The following MMS22L variants were observed in gnomAD, a reference collection of about 807,000 sequenced individuals.
The protein encoded by MMS22L is MMS22 like, DNA repair protein, also known as protein MMS22-like.
In MMS22L, 74 loss-of-function variants were observed where a neutral mutation model predicts 159.1. That is an observed-to-expected ratio of 0.47 (90% CI 0.39 to 0.56). The LOEUF (loss-of-function observed/expected upper bound fraction) is 0.56, where lower values mean the gene tolerates loss of function less well. MMS22L is among the 20% of genes least tolerant of loss of function. The probability of loss-of-function intolerance (pLI) is 0.00; values close to 1 mark genes in which losing one functional copy is unlikely to be tolerated. For missense variants in MMS22L, 1,351 were observed against 1,422.1 expected (o/e 0.95, Z 0.80); for synonymous variants, 517 against 506.9 (o/e 1.02, Z -0.27).
intron 23 of MMS22L, among the ~76,000 whole-genome samples, chr6:97,151,222 A>G (rs1801285484): frequency 1.3e-5 from 2 of 152,216 alleles, no homozygotes; most frequent in African/African-American, 2.4e-5. Flanking sequence ...GTACAATGGT[A>G]GTTCAGTACA....
Position 97,179,468 on chromosome 6 carries a change from T to A in MMS22L, c.2476A>T (p.Ile826Phe). The change falls in exon 17 of 25, where the codon ATT becomes TTT. Residue 826 changes from isoleucine (I) to phenylalanine (F), a missense_variant. Transcript: ENST00000683635. Reference protein sequence around the residue: ...SWIRCVLQMYIKNLSGPDDLL... With the variant: ...SWIRCVLQMYFKNLSGPDDLL... ...TCATCAGGCCCAGAGAGGTTTTTAA[T>A]ATACATTTGCAAAACACAACGAATC... 1.2e-6 allele frequency: 2 copies of A among 1,613,812 alleles called. No homozygotes were observed. The highest frequency in any genetic ancestry group is 1.7e-6 in the Non-Finnish European group (2 of 1,179,834).
chr6:97,267,659 A>AT, intron 8 of MMS22L: 3 of 283,518 alleles, frequency 1.1e-5, no homozygotes, highest in Non-Finnish European at 1.2e-5. Flanking sequence ...AAAAAAAAAA[A>AT]GAAAAAAAGA....
intron 22 of MMS22L, among the ~76,000 whole-genome samples, chr6:97,154,252 G>A (rs1412450504): frequency 1.3e-5 from 2 of 151,924 alleles, no homozygotes; most frequent in Non-Finnish European, 2.9e-5. Flanking sequence ...CTTATTGGCC[G>A]TTTATTTTCT....
Position 97,269,981 on chromosome 6 carries a change from C to T in MMS22L, c.618G>A (p.Pro206=), listed in dbSNP as rs45568644. Reference sequence around the variant, plus strand: ...AGTGGAGATGTAATAAATGCCATGACGGTGGAAAAAGCTGTGGATGACATT... The same window carrying T: ...AGTGGAGATGTAATAAATGCCATGATGGTGGAAAAAGCTGTGGATGACATT... ...VNQNQIKLFP[P]SWHLLHLHLD... is the part of the protein sequence containing the mutation. Residue 206 remains proline (P), a synonymous_variant, in exon 7 of 25, where the codon CCG becomes CCA. Transcript: ENST00000683635. 85 of 1,610,918 alleles carry T rather than the reference C, an allele frequency of 5.3e-5. No individual in the cohort carries two copies. In the Middle Eastern group the frequency reaches 9.9e-4, roughly 19 times the overall value.
intron 19 of MMS22L, among the ~76,000 whole-genome samples, chr6:97,168,626 A>G (rs776728318): frequency 2.0e-5 from 3 of 152,104 alleles, no homozygotes; most frequent in Non-Finnish European, 4.4e-5. Context: ...AGGGGTGCTC[A>G]ACTGGTTAAG....
At chr6:97,268,112 T>C (rs1254562274) in intron 7 of MMS22L, 110 bp from the exon 8 acceptor site, 3 of 691,910 alleles carry the variant, frequency 4.3e-6, no homozygotes. Flanking sequence ...CAGTTTTTAA[T>C]TTTTTTTTGC....
In MMS22L at chr6:97,220,878, A is replaced by G. The variant is rs1809555904; in HGVS notation, c.2039+8016T>C. ...ACACACTAAAACAACAACAACAACA[A>G]CAAAACTTGCTCAATGGTCACTATG... On this transcript the variant is annotated intron_variant, in intron 14 of 24. Coordinates refer to ENST00000683635, the MANE Select transcript of MMS22L (RefSeq NM_001350599.2). 2.0e-5 allele frequency among the ~76,000 whole-genome samples: 3 copies of G among 151,928 alleles called. No individual in the cohort carries two copies. In the South Asian group the frequency reaches 6.2e-4, roughly 32 times the overall value.
At chr6:97,173,311 C>T in intron 18 of MMS22L, 89 bp from the exon 19 acceptor site, 2 of 1,134,842 alleles carry the variant, frequency 1.8e-6, no homozygotes, top group Non-Finnish European at 2.6e-6. Flanking sequence ...TCTTTTTCTA[C>T]ATACGCACCC....
intron 9 of MMS22L, 81 bp from the exon 10 acceptor site, chr6:97,254,814 T>G (rs1041603051): frequency 7.0e-6 from 8 of 1,147,162 alleles, no homozygotes; most frequent in Non-Finnish European, 9.6e-6. Flanking sequence ...ATTTTTATAA[T>G]GAAGCATATA....
At chr6:97,240,721 G>A (rs1811965269) in intron 11 of MMS22L, among the ~76,000 whole-genome samples, 1 of 151,640 alleles carries the variant, frequency 6.6e-6, no homozygotes, top group Non-Finnish European at 1.5e-5. Context: ...CTGCCTCCCA[G>A]GTTCAAGTGA....
At chr6:97,263,473 T>G (rs1293281975) in intron 8 of MMS22L, 25 bp from the exon 9 acceptor site, 8 of 1,269,226 alleles carry the variant, frequency 6.3e-6, no homozygotes, top group Non-Finnish European at 8.7e-6. Context: ...CAAAATGTGT[T>G]ATTTATAAGA....
intron 4 of MMS22L, among the ~76,000 whole-genome samples, chr6:97,277,357 T>C (rs1362131677): frequency 6.6e-6 from 1 of 152,034 alleles, no homozygotes; most frequent in Non-Finnish European, 1.5e-5. Flanking sequence ...GAGGTTGCAG[T>C]GGGCCAAAAT....
At chr6:97,164,077 A>G (rs1802718534) in intron 21 of MMS22L, among the ~76,000 whole-genome samples, 1 of 152,054 alleles carries the variant, frequency 6.6e-6, no homozygotes, top group Admixed American at 6.6e-5. Flanking sequence ...GACTAGAAGA[A>G]AAGACTAGAG....
intron 2 of MMS22L, 43 bp downstream of exon 2, chr6:97,282,271 G>C (rs759666200): frequency 2.5e-6 from 4 of 1,588,876 alleles, no homozygotes; most frequent in Non-Finnish European, 3.4e-6. Flanking sequence ...TAAAAAACTG[G>C]TGAATAATCA....
intron 8 of MMS22L, chr6:97,264,672 T>C (rs968019388): frequency 9.2e-5 from 14 of 152,000 alleles, no homozygotes; most frequent in African/African-American, 2.7e-4. Flanking sequence ...CAAAAATTAT[T>C]TGAATAAATA....
At chr6:97,241,784 G>T (rs775365199) in intron 11 of MMS22L, among the ~76,000 whole-genome samples, 76 of 152,292 alleles carry the variant, frequency 5.0e-4, no homozygotes, top group Admixed American at 2.2e-3. Flanking sequence ...CTGTACCTCA[G>T]AGGTTTTGAT....
At chr6:97,279,717 C>T (rs1489502285) in intron 3 of MMS22L, among the ~76,000 whole-genome samples, 1 of 147,386 alleles carries the variant, frequency 6.8e-6, no homozygotes, top group African/African-American at 2.5e-5. Flanking sequence ...ACTCGGGAGG[C>T]GGAAGTTGCA....
At chr6:97,187,226 T>C (rs1312740766) in intron 14 of MMS22L, among the ~76,000 whole-genome samples, 3 of 152,168 alleles carry the variant, frequency 2.0e-5, no homozygotes, top group African/African-American at 7.2e-5. Flanking sequence ...TCATTCTCAC[T>C]TGGTAGGCAA....
intron 16 of MMS22L, among the ~76,000 whole-genome samples, chr6:97,181,248 C>G (rs1223327524): frequency 6.6e-6 from 1 of 152,116 alleles, no homozygotes; most frequent in Non-Finnish European, 1.5e-5. Flanking sequence ...AGGACTAAGA[C>G]CTCTTAGGCT....
Sources: gnomAD v4.1 joint callset for allele counts (sites outside exome capture counted in the v4.1 genomes callset) on GRCh38, gnomAD v4.1.1 for gene constraint, MANE v1.5 for transcripts, NCBI Gene and HGNC (gene_info 2026-07-23, HGNC 2026-07-21) for gene names.